The following CLINT1 variants were observed in gnomAD, a reference collection of about 807,000 sequenced individuals.
The protein encoded by CLINT1 is clathrin interacting protein localized in the trans-Golgi region.
CLINT1 carries 15 observed loss-of-function variants against 70.4 expected under a neutral mutation model. That is an observed-to-expected ratio of 0.21 (90% CI 0.14 to 0.33). CLINT1 has a LOEUF of 0.33. CLINT1 is among the 10% of genes least tolerant of loss of function. CLINT1 has a pLI of 1.00. For missense variants in CLINT1, 615 were observed against 778.1 expected (o/e 0.79, Z 2.49); for synonymous variants, 227 against 254.7 (o/e 0.89, Z 1.04).
At chr5:157,842,568 T>C (rs943049816) in intron 1 of CLINT1, among the ~76,000 whole-genome samples, 2 of 152,256 alleles carry the variant, frequency 1.3e-5, no homozygotes, top group Admixed American at 1.3e-4. Flanking sequence ...ATCACTAGAA[T>C]ATCCATCCCA....
intron 8 of CLINT1, among the ~76,000 whole-genome samples, chr5:157,799,344 A>G (rs1459921933): frequency 6.6e-6 from 1 of 152,168 alleles, no homozygotes; most frequent in Non-Finnish European, 1.5e-5. Context: ...AATGTCTTCA[A>G]CTAACTAGCG....
rs147671895 is a variant in CLINT1 at position 157,824,356 on chromosome 5, G to A, written c.42-6809C>T. On this transcript the variant is annotated intron_variant, in intron 1 of 11. Transcript: ENST00000411809. ...GAACAGTATCAAATGTACTGTCAAC[G>A]GCCAAGAAGCCTACTATTCCTAAAT... Among the ~76,000 whole-genome samples the A allele has an allele frequency of 2.6e-5, 4 of 152,156 alleles. No homozygotes were observed. The East Asian group carries it at 5.8e-4, about 22-fold the overall frequency.
intron 6 of CLINT1, among the ~76,000 whole-genome samples, chr5:157,807,224 A>G (rs937373933): frequency 6.6e-6 from 1 of 152,106 alleles, no homozygotes; most frequent in Non-Finnish European, 1.5e-5. Context: ...TCCCACACAG[A>G]GCAAAGGGGT....
rs188932666 is a variant in CLINT1, at chr5:157,822,053, T to C, written c.42-4506A>G. ...CAAGTTTTGCACACATGCTTTGATA[T>C]GGTTTGGCTGTGTCCCCACCCAAAT... On this transcript the variant is annotated intron_variant, in intron 1 of 11. Coordinates refer to ENST00000411809, the MANE Select transcript of CLINT1 (RefSeq NM_014666.4). Among the ~76,000 whole-genome samples the C allele has an allele frequency of 5.9e-5, 9 of 152,332 alleles. No individual in the cohort carries two copies. The East Asian group carries it at 7.7e-4, about 13-fold the overall frequency.
chr5:157,801,098 C>G (rs1048810337), intron 8 of CLINT1, among the ~76,000 whole-genome samples: 1 of 152,146 alleles, frequency 6.6e-6, no homozygotes, highest in African/African-American at 2.4e-5. Flanking sequence ...TAAATTGTTA[C>G]ACAACTAATG....
intron 1 of CLINT1, among the ~76,000 whole-genome samples, chr5:157,845,003 A>C (rs1038654346): frequency 4.6e-5 from 7 of 152,228 alleles, no homozygotes; most frequent in Non-Finnish European, 8.8e-5. Flanking sequence ...CTTCTATGAT[A>C]GGTGCATATG....
At chr5:157,853,996 T>TA (rs1242246571) in intron 1 of CLINT1, among the ~76,000 whole-genome samples, 1 of 152,054 alleles carries the variant, frequency 6.6e-6, no homozygotes, top group Non-Finnish European at 1.5e-5. Flanking sequence ...TGTGTCCAGT[T>TA]ACTAGAAAAG....
chr5:157,805,063 T>TA (rs1397324003), intron 7 of CLINT1, among the ~76,000 whole-genome samples: 2 of 152,204 alleles, frequency 1.3e-5, no homozygotes, highest in Non-Finnish European at 2.9e-5. Flanking sequence ...TCTCTATTAT[T>TA]AAAAAAATTA....
intron 6 of CLINT1, among the ~76,000 whole-genome samples, chr5:157,808,676 CA>C: frequency 6.6e-6 from 1 of 151,998 alleles, no homozygotes. Flanking sequence ...CTGCAAAGCT[CA>C]AAGTATTGTT....
intron 9 of CLINT1, among the ~76,000 whole-genome samples, chr5:157,792,566 C>G (rs955359896): frequency 1.3e-5 from 2 of 151,900 alleles, no homozygotes; most frequent in Non-Finnish European, 2.9e-5. Flanking sequence ...TGAAGAATTT[C>G]TCACTTATTT....
intron 1 of CLINT1, among the ~76,000 whole-genome samples, chr5:157,845,650 C>T (rs1244777277): frequency 1.3e-5 from 2 of 151,008 alleles, no homozygotes; most frequent in South Asian, 4.2e-4. Context: ...CTCCCGGGTT[C>T]ACGCCATTCT....
rs143922646 is a variant in CLINT1, at chr5:157,839,192, G to C, written c.41+19738C>G. On this transcript the variant is annotated intron_variant, in intron 1 of 11. Coordinates refer to ENST00000411809, the MANE Select transcript of CLINT1 (RefSeq NM_014666.4). ...TATAGTGGGCCATGATCGTGCCACT[G>C]CACTCCAGCCTTGGTGACAAAGGGA... Among the ~76,000 whole-genome samples the C allele has an allele frequency of 6.5e-3, 983 of 152,310 alleles. 5 individuals are homozygous for C. The highest frequency in any genetic ancestry group is 0.012 in the Non-Finnish European group (786 of 68,020).
chr5:157,789,792 C>T lies in CLINT1; in HGVS notation c.1381-279G>A. On this transcript the variant is annotated intron_variant, in intron 10 of 11. Transcript: ENST00000411809. The stretch of plus-strand genomic sequence containing the variant: ...CAACTTACCTACACTAACAATTATT[C>T]TCCCATCACTCAAAGTCTAGAAGCC... The T allele has an allele frequency of 7.7e-6, 4 of 521,360 alleles. No individual in the cohort carries two copies. The East Asian group carries it at 1.4e-4, about 18-fold the overall frequency. 32.3% of individuals were successfully genotyped at this position (521,360 alleles called of 1,614,324 possible). A position where few individuals can be genotyped will look rare whatever the true frequency, so the allele number is the denominator to read the frequency against.
Position 157,791,367 on chromosome 5 carries a change from T to C in CLINT1, c.1380+336A>G, listed in dbSNP as rs112182848. Among the ~76,000 whole-genome samples, 1,087 of 152,294 alleles carry C rather than the reference T, an allele frequency of 7.1e-3. 13 individuals are homozygous for C. Among genetic ancestry groups the C allele is most frequent in the African/African-American group, 0.025 (1,040 of 41,552 alleles). On this transcript the variant is annotated intron_variant, in intron 10 of 11. Transcript: ENST00000411809. The stretch of plus-strand genomic sequence containing the variant: ...GCCACTGCGCCTGGCCTATTTCTTT[T>C]TCTTAAAGACAATTTAAAAAAACTA...
chr5:157,804,707 T>G (rs1000806207), intron 7 of CLINT1, among the ~76,000 whole-genome samples: 52 of 152,148 alleles, frequency 3.4e-4, no homozygotes, highest in African/African-American at 1.3e-3. Flanking sequence ...GGTGGATCAC[T>G]TGAGGTCGGG....
At chr5:157,858,520 A>G (rs1753827675) in intron 1 of CLINT1, among the ~76,000 whole-genome samples, 1 of 152,208 alleles carries the variant, frequency 6.6e-6, no homozygotes, top group Non-Finnish European at 1.5e-5. Flanking sequence ...ACAGGGAACC[A>G]GTGCATTGTG....
intron 1 of CLINT1, among the ~76,000 whole-genome samples, chr5:157,844,379 T>A (rs1753297301): frequency 6.6e-6 from 1 of 152,206 alleles, no homozygotes; most frequent in African/African-American, 2.4e-5. Flanking sequence ...TGTCATTTTC[T>A]ATTTTTCATG....
intron 1 of CLINT1, among the ~76,000 whole-genome samples, chr5:157,851,280 G>A (rs1395384415): frequency 3.3e-5 from 5 of 152,106 alleles, no homozygotes; most frequent in South Asian, 2.1e-4. Flanking sequence ...ACGCATGTAC[G>A]TTTACCACAT....
chr5:157,826,530 A>G (rs1208630535), intron 1 of CLINT1, among the ~76,000 whole-genome samples: 1 of 150,468 alleles, frequency 6.6e-6, no homozygotes, highest in Non-Finnish European at 1.5e-5. Context: ...TTTTTTTTTA[A>G]TACAGAAATA....
Sources: allele counts gnomAD v4.1 joint callset (sites outside exome capture counted in the v4.1 genomes callset), GRCh38; gene constraint gnomAD v4.1.1; transcripts MANE v1.5; gene names NCBI Gene and HGNC (gene_info 2026-07-23, HGNC 2026-07-21).